DAB2IP: variants seen among roughly 807,000 people sequenced by gnomAD.
DAB2IP encodes the protein disabled homolog 2-interacting protein.
In DAB2IP, 28 loss-of-function variants were observed where a neutral mutation model predicts 107.2. The ratio of observed to expected loss-of-function variants is 0.26; its 90% CI spans 0.19 to 0.36. The LOEUF is 0.36. DAB2IP is among the 10% of genes least tolerant of loss of function. The probability of loss-of-function intolerance (pLI) is 1.00; values close to 1 mark genes in which losing one functional copy is unlikely to be tolerated. For synonymous variants in DAB2IP, 755 were observed against 706.4 expected (o/e 1.07, Z -1.09); for missense variants, 1,400 against 1,644.7 (o/e 0.85, Z 2.57).
At chr9:121,585,630 A>G (rs1002857169) in intron 1 of DAB2IP, among the ~76,000 whole-genome samples, 1 of 152,140 alleles carries the variant, frequency 6.6e-6, no homozygotes, top group Non-Finnish European at 1.5e-5. Flanking sequence ...GCCAAGGCAG[A>G]CAGATCGCTT....
intron 3 of DAB2IP, among the ~76,000 whole-genome samples, chr9:121,727,569 C>T (rs1415683085): frequency 6.6e-6 from 1 of 152,148 alleles, no homozygotes; most frequent in Non-Finnish European, 1.5e-5. Context: ...GAAGGCCCAA[C>T]AGGAGAGCCT....
chr9:121,688,563 A>T (rs1440894455), intron 2 of DAB2IP, among the ~76,000 whole-genome samples: 1 of 152,114 alleles, frequency 6.6e-6, no homozygotes, highest in African/African-American at 2.4e-5. Flanking sequence ...TCCAGAGCTC[A>T]CTAGTGCCAT....
intron 1 of DAB2IP, among the ~76,000 whole-genome samples, chr9:121,676,468 AC>A (rs1833909523): frequency 6.6e-6 from 1 of 151,992 alleles, no homozygotes; most frequent in Non-Finnish European, 1.5e-5. Flanking sequence ...CTCACTCCAC[AC>A]CCCTGTGTGT....
chr9:121,661,072 G>A (rs910112897), intron 1 of DAB2IP, among the ~76,000 whole-genome samples: 1 of 152,104 alleles, frequency 6.6e-6, no homozygotes, highest in Non-Finnish European at 1.5e-5. Context: ...GCGGGAGGAT[G>A]AGGGTCATTG....
intron 1 of DAB2IP, chr9:121,598,309 T>C (rs1351834098): frequency 6.6e-6 from 1 of 152,352 alleles, no homozygotes; most frequent in African/African-American, 2.4e-5. Context: ...AGAGCAGCTC[T>C]CGCTAAAAAT....
chr9:121,751,808 C>A, intron 3 of DAB2IP: 1 of 433,584 alleles, frequency 2.3e-6, no homozygotes, highest in Non-Finnish European at 3.1e-6. Context: ...CAGGAGAAGG[C>A]CAGTGGAACT....
intron 1 of DAB2IP, among the ~76,000 whole-genome samples, chr9:121,616,532 C>G (rs1320951866): frequency 6.6e-6 from 1 of 152,090 alleles, no homozygotes; most frequent in Admixed American, 6.6e-5. Context: ...TAGTTGGTGA[C>G]AGGGATGGAA....
intron 3 of DAB2IP, among the ~76,000 whole-genome samples, chr9:121,713,307 G>A (rs1436143550): frequency 6.6e-6 from 1 of 152,088 alleles, no homozygotes; most frequent in Non-Finnish European, 1.5e-5. Context: ...CTGGGGTGGG[G>A]CCTTAGGACC....
chr9:121,624,882 G>A (rs1015504054), intron 1 of DAB2IP, among the ~76,000 whole-genome samples: 1 of 152,228 alleles, frequency 6.6e-6, no homozygotes, highest in Non-Finnish European at 1.5e-5. Flanking sequence ...ACAGTGCCAG[G>A]AACGTAAGTC....
chr9:121,691,631 T>A (rs754165629), intron 2 of DAB2IP, among the ~76,000 whole-genome samples: 1 of 152,166 alleles, frequency 6.6e-6, no homozygotes, highest in African/African-American at 2.4e-5. Flanking sequence ...CGTGATCTCA[T>A]TGAATCTTCA....
At chr9:121,617,619 C>A (rs769002070) in intron 1 of DAB2IP, among the ~76,000 whole-genome samples, 1 of 152,238 alleles carries the variant, frequency 6.6e-6, no homozygotes, top group African/African-American at 2.4e-5. Context: ...ATAGTGACCA[C>A]CCTCCCCGCT....
At chr9:121,763,695 C>G in intron 7 of DAB2IP, 40 bp from the exon 8 acceptor site, 1 of 1,611,876 alleles carries the variant, frequency 6.2e-7, no homozygotes. Flanking sequence ...GCAGGGCCCG[C>G]CAGGTCCTCA....
At chr9:121,761,643 T>C (rs777834959) in intron 6 of DAB2IP, among the ~76,000 whole-genome samples, 15 of 152,130 alleles carry the variant, frequency 9.9e-5, no homozygotes, top group Non-Finnish European at 2.1e-4. Context: ...CTCCTCCCCA[T>C]GGACCCGCGA....
At chr9:121,784,624 T>A (rs1288324111) in exon 16 of DAB2IP, 2 of 154,920 alleles carry the variant, frequency 1.3e-5, no homozygotes, top group African/African-American at 4.8e-5. Flanking sequence ...GGTGTTTGAC[T>A]GTAATGTAAC....
At chr9:121,777,227 G>A (rs754356922) in intron 14 of DAB2IP, among the ~76,000 whole-genome samples, 5 of 152,142 alleles carry the variant, frequency 3.3e-5, no homozygotes, top group Non-Finnish European at 5.9e-5. Flanking sequence ...CCCATCAGCT[G>A]GACAGACCAA....
At chr9:121,585,355 A>C (rs1282860686) in intron 1 of DAB2IP, among the ~76,000 whole-genome samples, 2 of 152,116 alleles carry the variant, frequency 1.3e-5, no homozygotes, top group Admixed American at 6.6e-5. Context: ...ATTTGAGGCA[A>C]GTTTCTTAAC....
At position 121,768,708 on chromosome 9, in the gene DAB2IP, C is replaced by G. The variant is rs1033265382; in HGVS notation, c.1899+75C>G. 41 of 1,571,534 alleles carry G rather than the reference C, an allele frequency of 2.6e-5. No individual in the cohort carries two copies. The Admixed American group carries it at 5.6e-4, about 21-fold the overall frequency. The stretch of plus-strand genomic sequence containing the variant: ...TTTAGTGTTCCCCCTTCCAGAGTAA[C>G]CATGGAGGGCAGAGAGTTTGCCCAA... On this transcript the variant is annotated intron_variant, in intron 10 of 15. Transcript: ENST00000408936.
chr9:121,725,217 GTCT>G (rs1376714995), intron 3 of DAB2IP, among the ~76,000 whole-genome samples: 3 of 152,186 alleles, frequency 2.0e-5, no homozygotes, highest in African/African-American at 7.2e-5. Context: ...TTGTCGTCAC[GTCT>G]TCTTAATCAG....
chr9:121,672,665 C>CGA (rs1833730059), intron 1 of DAB2IP, among the ~76,000 whole-genome samples: 2 of 152,146 alleles, frequency 1.3e-5, no homozygotes, highest in African/African-American at 4.8e-5. Context: ...ACTAGGTGAC[C>CGA]GAGAGGTCAC....
Sources: gnomAD v4.1 joint callset for allele counts (sites outside exome capture counted in the v4.1 genomes callset) on GRCh38, gnomAD v4.1.1 for gene constraint, MANE v1.5 for transcripts, NCBI Gene and HGNC (gene_info 2026-07-23, HGNC 2026-07-21) for gene names.